CDC42SE2: variants seen among roughly 807,000 people sequenced by gnomAD.
CDC42SE2 encodes CDC42 small effector protein 2.
CDC42SE2 carries 3 observed loss-of-function variants against 11.5 expected under a neutral mutation model. The ratio of observed to expected loss-of-function variants is 0.26; its 90% CI spans 0.12 to 0.67. CDC42SE2 has a LOEUF of 0.67. CDC42SE2 is among the 30% of genes least tolerant of loss of function. The pLI is 0.80. For missense variants in CDC42SE2, 82 were observed against 106.8 expected (o/e 0.77, Z 1.02); for synonymous variants, 33 against 34.8 (o/e 0.95, Z 0.18).
chr5:131,296,303 T>A (rs1236662914), intron 1 of CDC42SE2, among the ~76,000 whole-genome samples: 1 of 152,140 alleles, frequency 6.6e-6, no homozygotes, highest in Non-Finnish European at 1.5e-5. Flanking sequence ...CTTTTTTTGC[T>A]CTCCTCATCA....
chr5:131,319,575 A>G (rs1758117481), intron 2 of CDC42SE2, among the ~76,000 whole-genome samples: 2 of 152,196 alleles, frequency 1.3e-5, no homozygotes, highest in African/African-American at 4.8e-5. Context: ...TTATAGCAGA[A>G]TCACCCAGGA....
intron 1 of CDC42SE2, among the ~76,000 whole-genome samples, chr5:131,292,240 C>CAAAA (rs1202956370): frequency 3.9e-4 from 10 of 25,604 alleles, no homozygotes; most frequent in Non-Finnish European, 4.9e-4. Flanking sequence ...TCTGTCTCAC[C>CAAAA]AAAAAAAAAA....
At chr5:131,309,704 T>C (rs1757859340) in intron 1 of CDC42SE2, among the ~76,000 whole-genome samples, 1 of 151,970 alleles carries the variant, frequency 6.6e-6, no homozygotes, top group African/African-American at 2.4e-5. Context: ...AATTTATCCA[T>C]TTCTTCTAGA....
At chr5:131,223,691 T>C in the CDC42SE2 span, among the ~76,000 whole-genome samples, 1 of 152,212 alleles carries the variant, frequency 6.6e-6, no homozygotes, top group African/African-American at 2.4e-5. Context: ...ACAATGCCAT[T>C]ATTTGTAGCA....
intron 1 of CDC42SE2, among the ~76,000 whole-genome samples, chr5:131,282,032 A>G (rs1467765794): frequency 6.6e-6 from 1 of 152,208 alleles, no homozygotes; most frequent in African/African-American, 2.4e-5. Flanking sequence ...CCATCAGGAA[A>G]CTAGAAACAT....
intron 2 of CDC42SE2, among the ~76,000 whole-genome samples, chr5:131,348,738 A>G (rs1304755311): frequency 1.4e-5 from 2 of 147,100 alleles, no homozygotes; most frequent in Admixed American, 6.6e-5. Flanking sequence ...CTGACTTCAA[A>G]CTATACTACA....
the CDC42SE2 span, among the ~76,000 whole-genome samples, chr5:131,235,940 T>A: frequency 6.6e-6 from 1 of 152,324 alleles, no homozygotes; most frequent in Non-Finnish European, 1.5e-5. Flanking sequence ...CTTAGGCCAG[T>A]CATGTTAACA....
intron 2 of CDC42SE2, among the ~76,000 whole-genome samples, chr5:131,345,364 C>A (rs1758814390): frequency 6.6e-6 from 1 of 152,014 alleles, no homozygotes; most frequent in African/African-American, 2.4e-5. Context: ...CATGCACAAG[C>A]TTCAGTAGCT....
At chr5:131,326,641 C>G (rs1394481884) in intron 2 of CDC42SE2, among the ~76,000 whole-genome samples, 1 of 152,082 alleles carries the variant, frequency 6.6e-6, no homozygotes, top group African/African-American at 2.4e-5. Flanking sequence ...TTGTTTCTGA[C>G]ATATATTGAG....
At chr5:131,213,119 G>A in the CDC42SE2 span, among the ~76,000 whole-genome samples, 6 of 152,300 alleles carry the variant, frequency 3.9e-5, no homozygotes, top group South Asian at 4.1e-4. Context: ...CTTGAACCCA[G>A]GAGGCAGAGG....
chr5:131,263,316 G>GCTTA (rs1276357363), upstream of CDC42SE2, among the ~76,000 whole-genome samples: 1 of 152,102 alleles, frequency 6.6e-6, no homozygotes, highest in Admixed American at 6.5e-5. Flanking sequence ...AGGTTCGAGA[G>GCTTA]CTTACTTCAG....
chr5:131,278,975 G>C (rs999397106), intron 1 of CDC42SE2, among the ~76,000 whole-genome samples: 1 of 150,716 alleles, frequency 6.6e-6, no homozygotes, highest in Non-Finnish European at 1.5e-5. Context: ...AGTAGAAACA[G>C]GGTTTCATCA....
upstream of CDC42SE2, chr5:131,263,828 G>C (rs1756785479): frequency 6.6e-6 from 1 of 152,236 alleles, no homozygotes; most frequent in Non-Finnish European, 1.5e-5. Context: ...TAGCTACAGA[G>C]GCCAATTCCT....
chr5:131,372,613 C>A (rs924165096), intron 3 of CDC42SE2, among the ~76,000 whole-genome samples: 5 of 151,734 alleles, frequency 3.3e-5, no homozygotes, highest in African/African-American at 1.2e-4. Flanking sequence ...ACTCGGGAGG[C>A]ACTGAGGCAG....
At chr5:131,271,060 G>C (rs1197318755) in intron 1 of CDC42SE2, among the ~76,000 whole-genome samples, 1 of 152,190 alleles carries the variant, frequency 6.6e-6, no homozygotes, top group Non-Finnish European at 1.5e-5. Flanking sequence ...AGGAGTGCTG[G>C]AAGTGGTTGA....
chr5:131,242,025 A>C (rs1465089984), upstream of CDC42SE2, among the ~76,000 whole-genome samples: 1 of 152,236 alleles, frequency 6.6e-6, no homozygotes, highest in Admixed American at 6.5e-5. Context: ...TGAATGAATA[A>C]TAGTATTGCT....
chr5:131,336,368 G>C (rs151240414), intron 2 of CDC42SE2, among the ~76,000 whole-genome samples: 1 of 152,216 alleles, frequency 6.6e-6, no homozygotes, highest in Non-Finnish European at 1.5e-5. Context: ...TTCCCTTTGC[G>C]GGTAACCCAA....
chr5:131,338,904 C>T (rs1274106682), intron 2 of CDC42SE2, among the ~76,000 whole-genome samples: 1 of 152,052 alleles, frequency 6.6e-6, no homozygotes, highest in South Asian at 2.1e-4. Context: ...AACTTGTGAG[C>T]CTGACCTTGT....
At position 131,391,054 on chromosome 5, in the gene CDC42SE2, A is replaced by G. The variant is rs745459986; in HGVS notation, c.218A>G (p.Asn73Ser). 28 of 1,613,164 alleles carry G rather than the reference A, an allele frequency of 1.7e-5. No individual in the cohort carries two copies. The highest frequency in any genetic ancestry group is 1.3e-4 in the South Asian group (12 of 91,084). ...KGGYGGGMPA[N>S]VQMQLVDTKA... ...GGTTATGGAGGTGGAATGCCTGCCAATGTCCAGATGCAGCTCGTGGATACG... is the reference window on the plus strand; with the variant it reads ...GGTTATGGAGGTGGAATGCCTGCCAGTGTCCAGATGCAGCTCGTGGATACG... The change falls in exon 5 of 5, where the codon AAT becomes AGT. Residue 73 changes from asparagine (N) to serine (S), a missense_variant. Transcript: ENST00000505065.
Sources: allele counts gnomAD v4.1 joint callset (sites outside exome capture counted in the v4.1 genomes callset), GRCh38; gene constraint gnomAD v4.1.1; transcripts MANE v1.5; gene names NCBI Gene and HGNC (gene_info 2026-07-23, HGNC 2026-07-21).